PCM1: variants seen among roughly 807,000 people sequenced by gnomAD.
PCM1 encodes the protein pericentriolar material 1 protein.
PCM1 carries 157 observed loss-of-function variants against 241.9 expected under a neutral mutation model. That is an observed-to-expected ratio of 0.65 (90% confidence interval 0.57 to 0.74). The LOEUF is 0.74. Ranked by LOEUF, PCM1 falls within the 30% of genes least tolerant of loss-of-function variation. PCM1 has a pLI of 0.00. For synonymous variants in PCM1, 1,085 were observed against 784.9 expected (o/e 1.38, Z -6.39); for missense variants, 3,478 against 2,360.1 (o/e 1.47, Z -9.81).
chr8:18,004,012 A>G (rs897669463), intron 29 of PCM1, among the ~76,000 whole-genome samples: 13 of 152,016 alleles, frequency 8.6e-5, no homozygotes, highest in Non-Finnish European at 5.9e-5. Flanking sequence ...TGCTTGTAGT[A>G]ATATTTATTT....
intron 13 of PCM1, 74 bp from the exon 14 acceptor site, chr8:17,959,940 G>C: frequency 7.3e-7 from 1 of 1,365,966 alleles, no homozygotes; most frequent in East Asian, 2.4e-5. Context: ...ACAGACTAGT[G>C]GTATTTACTA....
chr8:17,964,511 G>T (rs932897022), intron 17 of PCM1, 57 bp from the exon 18 acceptor site: 1 of 1,277,164 alleles, frequency 7.8e-7, no homozygotes, highest in Non-Finnish European at 1.1e-6. Context: ...ATAGTAGGTG[G>T]CAGAGTATTT....
At chr8:17,960,784 A>G (rs568099789) in intron 15 of PCM1, among the ~76,000 whole-genome samples, 11 of 151,998 alleles carry the variant, frequency 7.2e-5, no homozygotes, top group African/African-American at 1.4e-4. Context: ...TCAGCCTCCC[A>G]AAGTGCTGGG....
chr8:18,023,574 A>T (rs1254406203), intron 36 of PCM1, among the ~76,000 whole-genome samples: 2 of 152,186 alleles, frequency 1.3e-5, no homozygotes, highest in African/African-American at 4.8e-5. Context: ...TTTTATGTTA[A>T]TTAGATATTG....
chr8:17,959,616 A>G (rs925419360), intron 13 of PCM1, among the ~76,000 whole-genome samples: 8 of 149,976 alleles, frequency 5.3e-5, no homozygotes, highest in African/African-American at 2.0e-4. Context: ...GTATGTATTT[A>G]TATTTCTATA....
intron 23 of PCM1, among the ~76,000 whole-genome samples, chr8:17,977,587 C>A (rs1441035743): frequency 9.2e-5 from 14 of 152,070 alleles, no homozygotes; most frequent in Admixed American, 9.2e-4. Flanking sequence ...TGGAGGAGAT[C>A]CTTGCAATTC....
At chr8:17,963,877 A>G in intron 17 of PCM1, among the ~76,000 whole-genome samples, 1 of 152,148 alleles carries the variant, frequency 6.6e-6, no homozygotes, top group Non-Finnish European at 1.5e-5. Context: ...CATTTCTGGA[A>G]TTTCTGGAGT....
At chr8:17,925,294 A>G (rs182337522) in intron 2 of PCM1, 8 of 152,344 alleles carry the variant, frequency 5.3e-5, no homozygotes, top group African/African-American at 1.9e-4. Context: ...CGCATAGTAC[A>G]TTGTCACATG....
chr8:17,950,049 C>G (rs928781499), intron 7 of PCM1, among the ~76,000 whole-genome samples: 1 of 152,130 alleles, frequency 6.6e-6, no homozygotes, highest in Non-Finnish European at 1.5e-5. Flanking sequence ...GGCTCATTGC[C>G]TGAAATAAAG....
At chr8:17,953,446 A>G (rs910653878) in intron 9 of PCM1, among the ~76,000 whole-genome samples, 2 of 152,192 alleles carry the variant, frequency 1.3e-5, no homozygotes, top group African/African-American at 2.4e-5. Flanking sequence ...AATAAGGGAA[A>G]GGTAGAAGAG....
chr8:17,952,899 A>G (rs1050657866), intron 8 of PCM1, 71 bp from the exon 9 acceptor site: 37 of 903,610 alleles, frequency 4.1e-5, no homozygotes, highest in Admixed American at 5.8e-5. Flanking sequence ...ATATTTATGC[A>G]TTTAAAAAAT....
At chr8:17,948,252 G>GT (rs2064575436) in intron 7 of PCM1, among the ~76,000 whole-genome samples, 1 of 134,954 alleles carries the variant, frequency 7.4e-6, no homozygotes, top group East Asian at 2.3e-4. Flanking sequence ...CCTAATTTAA[G>GT]TTTGCATTTT....
intron 18 of PCM1, among the ~76,000 whole-genome samples, chr8:17,965,196 TC>T (rs1310906483): frequency 6.6e-6 from 1 of 152,196 alleles, no homozygotes; most frequent in Non-Finnish European, 1.5e-5. Context: ...TTCCATGGTT[TC>T]CTCTGTGTGT....
In PCM1 at chr8:17,950,733, G is replaced by C. The variant is rs769227189; in HGVS notation, c.1071+9G>C. On this transcript the variant is annotated intron_variant, in intron 8 of 38. Coordinates refer to ENST00000325083, the MANE Select transcript of PCM1 (RefSeq NM_006197.4). ...AGCTTCGTGATTCTCAGGTAACCTA[G>C]ATGTTTTAGTATAGTTGAGTTTAAA... 1 of 1,444,640 alleles carries C rather than the reference G, an allele frequency of 6.9e-7. No individual in the cohort carries two copies. The highest frequency in any genetic ancestry group is 1.4e-5 in the African/African-American group (1 of 71,634). 89.5% of individuals were successfully genotyped at this position (1,444,640 alleles called of 1,614,324 possible).
chr8:18,002,955 C>T (rs549146691), intron 29 of PCM1, among the ~76,000 whole-genome samples: 2 of 152,306 alleles, frequency 1.3e-5, no homozygotes, highest in South Asian at 4.2e-4. Context: ...ACTTCTGAGG[C>T]CTTGGCACTT....
At chr8:17,936,180 A>G (rs1441265464) in intron 3 of PCM1, among the ~76,000 whole-genome samples, 2 of 152,088 alleles carry the variant, frequency 1.3e-5, no homozygotes, top group Non-Finnish European at 2.9e-5. Context: ...CTTAGTTCCA[A>G]TTTGAAATTT....
At chr8:17,978,676 AC>A (rs2079591382) in intron 23 of PCM1, among the ~76,000 whole-genome samples, 1 of 152,200 alleles carries the variant, frequency 6.6e-6, no homozygotes, top group African/African-American at 2.4e-5. Flanking sequence ...TCTGAGGAAA[AC>A]TAAAGAAACA....
chr8:17,943,131 A>G (rs576132747), intron 6 of PCM1, among the ~76,000 whole-genome samples: 3 of 151,156 alleles, frequency 2.0e-5, no homozygotes, highest in South Asian at 4.2e-4. Flanking sequence ...CTGGTTTATT[A>G]CCTAGGACTA....
chr8:17,973,624 C>A (rs1364017036), intron 23 of PCM1, among the ~76,000 whole-genome samples: 1 of 150,356 alleles, frequency 6.7e-6, no homozygotes, highest in East Asian at 2.0e-4. Flanking sequence ...GGCTGAGACA[C>A]AAGAATCGCT....
Sources: allele counts gnomAD v4.1 joint callset (sites outside exome capture counted in the v4.1 genomes callset), GRCh38; gene constraint gnomAD v4.1.1; transcripts MANE v1.5; gene names NCBI Gene and HGNC (gene_info 2026-07-23, HGNC 2026-07-21).